The following TAF2 variants were observed in gnomAD, a reference collection of about 807,000 sequenced individuals.
TAF2 encodes the protein TATA-box binding protein associated factor 2, also known as transcription initiation factor TFIID subunit 2.
A neutral mutation model predicts 138.5 loss-of-function variants in TAF2; 61 were observed. The ratio of observed to expected loss-of-function variants is 0.44; its 90% CI spans 0.36 to 0.54. TAF2 has a LOEUF of 0.54. TAF2 is among the 20% of genes least tolerant of loss of function. TAF2 has a pLI of 0.00. For missense variants in TAF2, 1,090 were observed against 1,427.9 expected (o/e 0.76, Z 3.81); for synonymous variants, 475 against 469.9 (o/e 1.01, Z -0.14).
intron 4 of TAF2, among the ~76,000 whole-genome samples, chr8:119,805,797 T>A (rs1824592729): frequency 6.6e-6 from 1 of 152,162 alleles, no homozygotes; most frequent in African/African-American, 2.4e-5. Flanking sequence ...TATCATCCTG[T>A]TAGCCAGTGA....
chr8:119,752,775 T>C (rs937941071), intron 22 of TAF2, among the ~76,000 whole-genome samples: 3 of 152,228 alleles, frequency 2.0e-5, no homozygotes, highest in African/African-American at 7.2e-5. Flanking sequence ...TATTCTTACC[T>C]AGATATTTTA....
intron 2 of TAF2, among the ~76,000 whole-genome samples, chr8:119,822,072 G>C (rs1251154727): frequency 6.6e-6 from 1 of 151,690 alleles, no homozygotes; most frequent in African/African-American, 2.4e-5. Flanking sequence ...AATTATAGCT[G>C]GCATCTAGTA....
intron 6 of TAF2, among the ~76,000 whole-genome samples, chr8:119,798,266 A>G (rs778958871): frequency 1.3e-5 from 2 of 152,236 alleles, no homozygotes; most frequent in Non-Finnish European, 2.9e-5. Context: ...TATTATCTGC[A>G]TATAAAAATA....
chr8:119,745,794 AATGTGTGTGTGTGT>A (rs1474112447), intron 23 of TAF2, among the ~76,000 whole-genome samples: 2 of 119,406 alleles, frequency 1.7e-5, no homozygotes, highest in Admixed American at 8.2e-5. Context: ...AAGGCAAACG[AATGTGTGTGTGTGT>A]GTGTGTGTGT....
intron 2 of TAF2, among the ~76,000 whole-genome samples, chr8:119,829,000 A>C (rs1826269385): frequency 6.6e-6 from 1 of 152,222 alleles, no homozygotes; most frequent in Non-Finnish European, 1.5e-5. Flanking sequence ...GTAGTCAGCC[A>C]TTACCAACTC....
intron 21 of TAF2, among the ~76,000 whole-genome samples, chr8:119,756,778 G>C (rs1467574400): frequency 6.6e-6 from 1 of 152,090 alleles, no homozygotes; most frequent in Non-Finnish European, 1.5e-5. Flanking sequence ...ATATTATGGA[G>C]TTCTCTAAAA....
intron 25 of TAF2, among the ~76,000 whole-genome samples, chr8:119,737,787 C>T (rs577265295): frequency 2.0e-5 from 3 of 152,000 alleles, no homozygotes; most frequent in South Asian, 2.1e-4. Context: ...GGATTACAGG[C>T]GTGAGCCACC....
chr8:119,765,443 G>A (rs866078697), intron 18 of TAF2, among the ~76,000 whole-genome samples: 2 of 152,106 alleles, frequency 1.3e-5, no homozygotes, highest in African/African-American at 2.4e-5. Context: ...GAAGGAGAAA[G>A]GCACCCTTGG....
rs777328062 is a variant in TAF2, at chr8:119,746,874, C to T, written c.2939G>A (p.Gly980Asp). Residue 980 changes from glycine to aspartate, a missense_variant, in exon 23 of 26, where the codon GGC becomes GAC. Transcript: ENST00000378164. Reference sequence around the variant, plus strand: ...GGGTAAACAGGAAGGTCTACTGAGGCCAAAAAGTGTGAAGTACAAGTCCAC... The same window carrying T: ...GGGTAAACAGGAAGGTCTACTGAGGTCAAAAAGTGTGAAGTACAAGTCCAC... ...GAVDLYFTLF[G>D]LSRPSCLPLP... is the part of the protein sequence containing the mutation. 6.2e-7 allele frequency: 1 copy of T among 1,614,030 alleles called. No individual in the cohort carries two copies. Among genetic ancestry groups the T allele is most frequent in the Admixed American group, 1.7e-5 (1 of 60,002 alleles).
intron 25 of TAF2, among the ~76,000 whole-genome samples, chr8:119,738,137 AAT>A (rs1259398307): frequency 6.6e-6 from 1 of 151,754 alleles, no homozygotes. Context: ...CTCTCTAGAG[AAT>A]ATATGTTTAT....
At chr8:119,753,374 CA>C in intron 22 of TAF2, among the ~76,000 whole-genome samples, 1 of 152,102 alleles carries the variant, frequency 6.6e-6, no homozygotes, top group South Asian at 2.1e-4. Context: ...TCATTTATCC[CA>C]AAGGTTCAGG....
chr8:119,761,010 GT>G (rs1182615486), intron 19 of TAF2, among the ~76,000 whole-genome samples: 1 of 152,120 alleles, frequency 6.6e-6, no homozygotes, highest in Non-Finnish European at 1.5e-5. Flanking sequence ...AGTCCACAGT[GT>G]TTATTATGTC....
intron 24 of TAF2, among the ~76,000 whole-genome samples, chr8:119,743,432 C>G (rs1819739707): frequency 6.6e-6 from 1 of 151,290 alleles, no homozygotes; most frequent in Admixed American, 6.6e-5. Context: ...AGAACAGGAC[C>G]AGGGAAAAAG....
Position 119,773,008 on chromosome 8 carries a change from T to C in TAF2, c.2364+5011A>G, listed in dbSNP as rs1055293606. Among the ~76,000 whole-genome samples the C allele has an allele frequency of 1.4e-4, 21 of 149,728 alleles. No homozygotes were observed. The South Asian group carries it at 1.5e-3, about 10-fold the overall frequency. ...TAAGAAAATGCAGGAAAAGCACTTATGGTACCAAGAATGTACTAAGCACTC... is the reference window on the plus strand; with the variant it reads ...TAAGAAAATGCAGGAAAAGCACTTACGGTACCAAGAATGTACTAAGCACTC... On this transcript the variant is annotated intron_variant, in intron 18 of 25. Transcript: ENST00000378164.
intron 19 of TAF2, 100 bp from the exon 20 acceptor site, chr8:119,760,838 A>ATC: frequency 1.3e-6 from 2 of 1,505,648 alleles, no homozygotes; most frequent in Non-Finnish European, 1.8e-6. Flanking sequence ...TCAATTTAAA[A>ATC]ACTGATGTGA....
chr8:119,763,913 A>C (rs1444085534), intron 18 of TAF2, among the ~76,000 whole-genome samples: 1 of 151,814 alleles, frequency 6.6e-6, no homozygotes, highest in Non-Finnish European at 1.5e-5. Context: ...CACTTTGGGA[A>C]GCCAAGGCTG....
chr8:119,772,363 C>G (rs1312015906), intron 18 of TAF2, among the ~76,000 whole-genome samples: 1 of 152,100 alleles, frequency 6.6e-6, no homozygotes, highest in Non-Finnish European at 1.5e-5. Context: ...CAGACAAATA[C>G]CATATCCTCT....
chr8:119,780,867 G>A (rs560553584), intron 17 of TAF2, among the ~76,000 whole-genome samples, 186 bp downstream of exon 17: 5 of 147,652 alleles, frequency 3.4e-5, no homozygotes, highest in Admixed American at 6.7e-5. Flanking sequence ...CCCGGGAGGC[G>A]GAGCTTGCAG....
chr8:119,788,240 A>T (rs542261103), intron 14 of TAF2, 98 bp downstream of exon 14: 27 of 1,026,914 alleles, frequency 2.6e-5, no homozygotes, highest in African/African-American at 9.5e-5. Flanking sequence ...AGTATAATTT[A>T]AAAAAAATTA....
Sources: allele counts gnomAD v4.1 joint callset (sites outside exome capture counted in the v4.1 genomes callset), GRCh38; gene constraint gnomAD v4.1.1; transcripts MANE v1.5; gene names NCBI Gene and HGNC (gene_info 2026-07-23, HGNC 2026-07-21).